The following TMCC1 variants were observed in gnomAD, a reference collection of about 807,000 sequenced individuals.
TMCC1 encodes the protein transmembrane and coiled-coil domains protein 1.
Under a neutral mutation model 52.4 loss-of-function variants are expected in TMCC1, and 15 were observed. That is an observed-to-expected ratio of 0.29 (90% CI 0.19 to 0.44). The LOEUF is 0.44. Ranked by LOEUF, TMCC1 falls within the 20% of genes least tolerant of loss-of-function variation. The pLI is 1.00. For missense variants in TMCC1, 503 were observed against 806.0 expected (o/e 0.62, Z 4.55); for synonymous variants, 279 against 301.9 (o/e 0.92, Z 0.79).
intron 4 of TMCC1, among the ~76,000 whole-genome samples, chr3:129,769,575 C>T (rs1354790552): frequency 2.0e-5 from 3 of 147,362 alleles, no homozygotes; most frequent in African/African-American, 5.0e-5. Context: ...TTTTCAAGCT[C>T]ATTAGCTATC....
chr3:129,700,895 A>C (rs948489818), intron 4 of TMCC1, among the ~76,000 whole-genome samples: 1 of 152,234 alleles, frequency 6.6e-6, no homozygotes, highest in African/African-American at 2.4e-5. Context: ...AATCCTTGAC[A>C]AAAGATGTTC....
chr3:129,785,594 C>G (rs2055953394), intron 4 of TMCC1, among the ~76,000 whole-genome samples: 1 of 149,538 alleles, frequency 6.7e-6, no homozygotes, highest in Non-Finnish European at 1.5e-5. Flanking sequence ...CAAACACACA[C>G]ACACACATAC....
In TMCC1 at chr3:129,801,047, C is replaced by A. The variant is rs569147653; in HGVS notation, c.576+26756G>T. 3.3e-5 allele frequency among the ~76,000 whole-genome samples: 5 copies of A among 151,620 alleles called. No homozygotes were observed. In the South Asian group the frequency reaches 8.4e-4, roughly 25 times the overall value. The stretch of plus-strand genomic sequence containing the variant: ...CACGCCATTCTCCTGCCTCAGCCTC[C>A]GGAGCAGCAGGGACAACAGGCGCCC... On this transcript the variant is annotated intron_variant, in intron 4 of 6. Coordinates refer to ENST00000393238, the MANE Select transcript of TMCC1 (RefSeq NM_001017395.5).
intron 4 of TMCC1, among the ~76,000 whole-genome samples, chr3:129,701,162 C>T (rs764201259): frequency 1.3e-5 from 2 of 151,970 alleles, no homozygotes; most frequent in Admixed American, 1.3e-4. Context: ...TAAGTTTTTC[C>T]GAAAGTGGCA....
At chr3:129,661,365 G>A (rs896638711) in intron 5 of TMCC1, among the ~76,000 whole-genome samples, 1 of 152,038 alleles carries the variant, frequency 6.6e-6, no homozygotes, top group African/African-American at 2.4e-5. Flanking sequence ...GGTCAAGGCT[G>A]CAGTGAGCCG....
intron 2 of TMCC1, among the ~76,000 whole-genome samples, chr3:129,853,153 C>T (rs1045300697): frequency 8.6e-5 from 13 of 151,928 alleles, no homozygotes; most frequent in Non-Finnish European, 1.9e-4. Flanking sequence ...TGCACTCTAG[C>T]CTGGGCAACA....
intron 4 of TMCC1, among the ~76,000 whole-genome samples, chr3:129,780,324 A>AT (rs569524890): frequency 7.2e-5 from 11 of 152,148 alleles, no homozygotes; most frequent in Non-Finnish European, 1.5e-4. Flanking sequence ...TTAGATGATG[A>AT]TCTCCAGGGT....
chr3:129,688,726 AT>A (rs2089597028), intron 4 of TMCC1: 1 of 985,350 alleles, frequency 1.0e-6, no homozygotes, highest in Non-Finnish European at 1.2e-6. Flanking sequence ...AGAGCAGCTA[AT>A]GCAAATGAAT....
intron 4 of TMCC1, among the ~76,000 whole-genome samples, chr3:129,820,530 T>A (rs778944016): frequency 6.6e-6 from 1 of 152,022 alleles, no homozygotes; most frequent in African/African-American, 2.4e-5. Flanking sequence ...CAGATTAATA[T>A]ATTAGATTTG....
At chr3:129,766,410 GCA>G (rs572790381) in intron 4 of TMCC1, among the ~76,000 whole-genome samples, 18 of 152,126 alleles carry the variant, frequency 1.2e-4, no homozygotes, top group Non-Finnish European at 1.8e-4. Flanking sequence ...GAGCTAGCAT[GCA>G]CAGAGAATAC....
At chr3:129,686,840 C>T (rs1188003012) in intron 4 of TMCC1, among the ~76,000 whole-genome samples, 6 of 151,780 alleles carry the variant, frequency 4.0e-5, no homozygotes, top group African/African-American at 7.3e-5. Context: ...TTTAATCAGG[C>T]CATAAATGAG....
At chr3:129,665,640 A>G (rs2108873397) in intron 5 of TMCC1, among the ~76,000 whole-genome samples, 1 of 152,302 alleles carries the variant, frequency 6.6e-6, no homozygotes, top group Admixed American at 6.5e-5. Flanking sequence ...CAATGCATCT[A>G]ATGCTTCAGA....
intron 4 of TMCC1, among the ~76,000 whole-genome samples, chr3:129,736,265 T>A (rs2050950739): frequency 6.6e-6 from 1 of 152,200 alleles, no homozygotes. Flanking sequence ...TACTGACTCA[T>A]CTGCATCTGC....
At chr3:129,676,210 C>G (rs2088434790) in intron 4 of TMCC1, among the ~76,000 whole-genome samples, 1 of 152,112 alleles carries the variant, frequency 6.6e-6, no homozygotes, top group Non-Finnish European at 1.5e-5. Flanking sequence ...TTTGTACTCT[C>G]CTGTCAGAGT....
At chr3:129,886,760 T>C (rs2061724373) in intron 1 of TMCC1, among the ~76,000 whole-genome samples, 1 of 149,802 alleles carries the variant, frequency 6.7e-6, no homozygotes, top group South Asian at 2.1e-4. Context: ...GCCAACATGG[T>C]GAAACCGTTT....
intron 2 of TMCC1, among the ~76,000 whole-genome samples, chr3:129,862,343 T>C (rs966988029): frequency 6.6e-6 from 1 of 152,026 alleles, no homozygotes; most frequent in African/African-American, 2.4e-5. Flanking sequence ...AAAAGTACAC[T>C]AAGAAAAATG....
At chr3:129,812,906 T>C (rs1247970751) in intron 4 of TMCC1, among the ~76,000 whole-genome samples, 2 of 152,068 alleles carry the variant, frequency 1.3e-5, no homozygotes, top group African/African-American at 4.8e-5. Flanking sequence ...AGAAAATACT[T>C]GAAAATACTT....
chr3:129,844,990 T>C (rs944416682), intron 2 of TMCC1, among the ~76,000 whole-genome samples: 2 of 152,146 alleles, frequency 1.3e-5, no homozygotes, highest in Non-Finnish European at 2.9e-5. Flanking sequence ...CTATTAAGAA[T>C]GTTCAGCCAG....
At position 129,849,211 on chromosome 3, in the gene TMCC1, C is replaced by T. The variant is rs763968650; in HGVS notation, c.-183-16385G>A. 3.7e-4 allele frequency among the ~76,000 whole-genome samples: 56 copies of T among 152,204 alleles called. 1 individual carries two copies. Among genetic ancestry groups the T allele is most frequent in the Admixed American group, 5.9e-4 (9 of 15,294 alleles). On this transcript the variant is annotated intron_variant, in intron 2 of 6. Transcript: ENST00000393238. ...GGTGCAGAGGCTCACACCTGTAATC[C>T]CAACACTTTGGGAGGCCAAGGTGGG...
Sources: allele counts gnomAD v4.1 joint callset (sites outside exome capture counted in the v4.1 genomes callset), GRCh38; gene constraint gnomAD v4.1.1; transcripts MANE v1.5; gene names NCBI Gene and HGNC (gene_info 2026-07-23, HGNC 2026-07-21).